The following DEF6 variants were observed in gnomAD, a reference collection of about 807,000 sequenced individuals.
DEF6 encodes differentially expressed in FDCP 6 homolog.
In DEF6, 32 loss-of-function variants were observed where a neutral mutation model predicts 80.5. That is an observed-to-expected ratio of 0.40 (90% CI 0.30 to 0.53). The LOEUF is 0.53. DEF6 is among the 20% of genes least tolerant of loss of function. The pLI is 0.57. For synonymous variants in DEF6, 300 were observed against 337.9 expected (o/e 0.89, Z 1.23); for missense variants, 575 against 818.7 (o/e 0.70, Z 3.63).
chr6:35,309,897 T>G, intron 2 of DEF6, 87 bp downstream of exon 2: 8 of 1,491,482 alleles, frequency 5.4e-6, no homozygotes, highest in Non-Finnish European at 7.3e-6. Flanking sequence ...ACTCCAACTC[T>G]TCGCCCCTGC....
chr6:35,318,635 G>T lies in DEF6; in HGVS notation c.1215+164G>T, dbSNP rs1179597551. ...GGGATTGTTGGGACAGAGTCCGCGG[G>T]TTTGAAAAAGAGATTTGGGATGGGG... On this transcript the variant is annotated intron_variant, in intron 7 of 10. Transcript: ENST00000316637. The surrounding 1 kb of genome is among the most constrained non-coding windows in gnomAD (Gnocchi z 5.1). 1.3e-5 allele frequency among the ~76,000 whole-genome samples: 2 copies of T among 152,148 alleles called. No homozygotes were observed. Among genetic ancestry groups the T allele is most frequent in the Non-Finnish European group, 2.9e-5 (2 of 68,022 alleles).
At chr6:35,321,141 A>C (rs1376583928) in intron 10 of DEF6, 46 bp from the exon 11 acceptor site, 1 of 1,599,818 alleles carries the variant, frequency 6.3e-7, no homozygotes, top group Admixed American at 1.7e-5. Flanking sequence ...CTCGCCTCTC[A>C]CCTTTGCATG....
At chr6:35,302,358 T>TA (rs879649753) in intron 1 of DEF6, among the ~76,000 whole-genome samples, 120 of 146,572 alleles carry the variant, frequency 8.2e-4, no homozygotes, top group South Asian at 1.3e-3. Flanking sequence ...GATTCTTTCT[T>TA]AAAAAAAAAA....
chr6:35,298,038 C>A, intron 1 of DEF6, 86 bp downstream of exon 1: 1 of 1,205,792 alleles, frequency 8.3e-7, no homozygotes, highest in Non-Finnish European at 1.2e-6. Flanking sequence ...GACACTGTGC[C>A]ACTCCAGGGG....
chr6:35,299,662 A>G (rs1180250948), intron 1 of DEF6, among the ~76,000 whole-genome samples: 2 of 152,202 alleles, frequency 1.3e-5, no homozygotes, highest in Non-Finnish European at 2.9e-5. Context: ...ACCTCATCAC[A>G]GCTCATATTG....
intron 1 of DEF6, 93 bp from the exon 2 acceptor site, chr6:35,309,576 TG>T: frequency 2.1e-6 from 3 of 1,449,588 alleles, no homozygotes; most frequent in Non-Finnish European, 2.8e-6. Context: ...TCAGCCAGGA[TG>T]GGGTGAGGAC....
Position 35,312,667 on chromosome 6 carries a change from C to G in DEF6, c.702C>G (p.Ala234=), listed in dbSNP as rs776572938. ...WKRGHLRRNW[A]ERWFQLQPSC... Reference sequence around the variant, plus strand: ...GAGGGCACCTGAGAAGGAACTGGGCCGAACGCTGGTTCCAGCTGCAGCCCA... The same window carrying G: ...GAGGGCACCTGAGAAGGAACTGGGCGGAACGCTGGTTCCAGCTGCAGCCCA... The change falls in exon 5 of 11, where the codon GCC becomes GCG. Residue 234 remains alanine (A), a synonymous_variant. Transcript: ENST00000316637. The surrounding 1 kb of genome is among the most constrained non-coding windows in gnomAD (Gnocchi z 6.6). 4 of 1,613,872 alleles carry G rather than the reference C, an allele frequency of 2.5e-6. No individual in the cohort carries two copies. In the South Asian group the frequency reaches 4.4e-5, roughly 18 times the overall value.
At chr6:35,303,382 C>A (rs1156436575) in intron 1 of DEF6, among the ~76,000 whole-genome samples, 1 of 152,128 alleles carries the variant, frequency 6.6e-6, no homozygotes, top group Non-Finnish European at 1.5e-5. Context: ...AAAACTGAAG[C>A]CCAGTAAGGT....
Position 35,319,551 on chromosome 6 carries a change from G to C in DEF6, c.1243G>C (p.Glu415Gln), listed in dbSNP as rs1477061016. 1.2e-6 allele frequency: 2 copies of C among 1,613,426 alleles called. No homozygotes were observed. The highest frequency in any genetic ancestry group is 1.7e-6 in the Non-Finnish European group (2 of 1,179,840). ...CCGGGCCTCCATGCAGGCTGAGATG[G>C]AGCTGAAGGAGGAGGAGGCTGCCCG... is the stretch of plus-strand genomic sequence containing the variant. ...QARASMQAEM[E>Q]LKEEEAARQR... The change falls in exon 8 of 11, where the codon GAG (glutamate) becomes CAG (glutamine). Residue 415 changes from glutamate (E) to glutamine (Q), a missense_variant. Transcript: ENST00000316637. The surrounding 1 kb of genome is among the most constrained non-coding windows in gnomAD (Gnocchi z 4.5).
At position 35,318,338 on chromosome 6, in the gene DEF6, T is replaced by C; in HGVS notation, c.1082T>C (p.Leu361Pro). The C allele has an allele frequency of 6.5e-7, 1 of 1,544,662 alleles. No individual in the cohort carries two copies. Among genetic ancestry groups the C allele is most frequent in the Non-Finnish European group, 8.7e-7 (1 of 1,146,564 alleles). Residue 361 changes from leucine (L) to proline (P), a missense_variant, in exon 7 of 11, where the codon CTG becomes CCG. Leu to Pro is a moderately conservative substitution (Grantham distance 98). Coordinates refer to ENST00000316637, the MANE Select transcript of DEF6 (RefSeq NM_022047.4). The surrounding 1 kb of genome is among the most constrained non-coding windows in gnomAD (Gnocchi z 5.1). Reference protein sequence around the residue: ...QQLQEEKERKLQELELLQEAQ... With the variant: ...QQLQEEKERKPQELELLQEAQ... Reference sequence around the variant, plus strand: ...CTGCAGGAGGAGAAGGAGCGGAAGCTGCAGGAGCTGGAGCTGCTGCAGGAG... The same window carrying C: ...CTGCAGGAGGAGAAGGAGCGGAAGCCGCAGGAGCTGGAGCTGCTGCAGGAG...
chr6:35,307,687 C>T (rs1791410816), intron 1 of DEF6, among the ~76,000 whole-genome samples: 1 of 152,050 alleles, frequency 6.6e-6, no homozygotes, highest in African/African-American at 2.4e-5. Context: ...CTCACATAAC[C>T]AAAAACTCCA....
At chr6:35,299,968 C>A (rs1460324104) in intron 1 of DEF6, among the ~76,000 whole-genome samples, 2 of 152,142 alleles carry the variant, frequency 1.3e-5, no homozygotes, top group Admixed American at 1.3e-4. Flanking sequence ...GCAGGGCCCA[C>A]CTCTCCCCAG....
At chr6:35,313,315 TAC>T in intron 5 of DEF6, 1 of 429,064 alleles carries the variant, frequency 2.3e-6, no homozygotes, top group South Asian at 1.7e-5. Context: ...TGGCATTAAA[TAC>T]ATTCATGAAA....
chr6:35,312,308 T>C lies in DEF6; in HGVS notation c.430T>C (p.Tyr144His), dbSNP rs768325136. Residue 144 changes from tyrosine to histidine, a missense_variant, in exon 4 of 11, where the codon TAC becomes CAC. Physicochemically the swap from Tyr to His is moderately conservative, Grantham distance 83. Coordinates refer to ENST00000316637, the MANE Select transcript of DEF6 (RefSeq NM_022047.4). This position sits in a 1 kb window ranked among gnomAD's most constrained non-coding sequence, Gnocchi z 6.6. The part of the protein sequence containing the change: ...PLIMVPDEVE[Y>H]LLKKVLSSMS... ...CTTCCTTCTCCTGCTCCAGGTGGAA[T>C]ACCTGCTGAAAAAGGTACTCAGCAG... 2 of 1,613,688 alleles carry C rather than the reference T, an allele frequency of 1.2e-6. No homozygotes were observed. Among genetic ancestry groups the C allele is most frequent in the Admixed American group, 3.3e-5 (2 of 60,020 alleles).
intron 1 of DEF6, among the ~76,000 whole-genome samples, chr6:35,300,414 G>A (rs774534491): frequency 6.6e-6 from 1 of 152,142 alleles, no homozygotes; most frequent in African/African-American, 2.4e-5. Flanking sequence ...GTGTCGGTGC[G>A]TGACATTTGC....
At position 35,320,868 on chromosome 6, in the gene DEF6, G is replaced by T; in HGVS notation, c.1582-16G>T. ...ATGATGGTTCTGATCACTCCCCACTGGCCCTGTCCCCACAGGCTGCCCAGA... is the reference window on the plus strand; with the variant it reads ...ATGATGGTTCTGATCACTCCCCACTTGCCCTGTCCCCACAGGCTGCCCAGA... On this transcript the variant is annotated splice_polypyrimidine_tract_variant and intron_variant, in intron 9 of 10. Transcript: ENST00000316637. 1 of 1,598,556 alleles carries T rather than the reference G, an allele frequency of 6.3e-7. No homozygotes were observed. Among genetic ancestry groups the T allele is most frequent in the Non-Finnish European group, 8.5e-7 (1 of 1,171,326 alleles).
At chr6:35,321,070 A>G in intron 10 of DEF6, 96 bp downstream of exon 10, 1 of 1,559,416 alleles carries the variant, frequency 6.4e-7, no homozygotes, top group Non-Finnish European at 8.8e-7. Context: ...TCCCAGGGCC[A>G]GCAAAAGCAG....
chr6:35,309,914 C>T, intron 2 of DEF6, 104 bp downstream of exon 2: 13 of 1,366,390 alleles, frequency 9.5e-6, no homozygotes, highest in Non-Finnish European at 1.2e-5. Context: ...CTGCCATAAA[C>T]TCCTACTTCT....
At chr6:35,300,300 T>A (rs1295603275) in intron 1 of DEF6, among the ~76,000 whole-genome samples, 2 of 152,194 alleles carry the variant, frequency 1.3e-5, no homozygotes, top group Admixed American at 1.3e-4. Flanking sequence ...TAGCTGGAAT[T>A]ATAGTCTTGA....
Sources: gnomAD v4.1 joint callset for allele counts (sites outside exome capture counted in the v4.1 genomes callset) on GRCh38, gnomAD v4.1.1 for gene constraint, Gnocchi (gnomAD v3.1) non-coding constraint, MANE v1.5 for transcripts, NCBI Gene and HGNC (gene_info 2026-07-23, HGNC 2026-07-21) for gene names.